Variants in MAJIN observed in about 807,000 individuals in gnomAD.
MAJIN encodes membrane anchored junction protein.
A neutral mutation model predicts 30.2 loss-of-function variants in MAJIN; 27 were observed. The observed-to-expected ratio is 0.89, with a 90% CI of 0.66 to 1.23. The LOEUF is 1.23. Ranked by LOEUF, MAJIN falls within the 50% of genes most tolerant of loss-of-function variation. MAJIN has a pLI of 0.00. For synonymous variants in MAJIN, 78 were observed against 91.6 expected (o/e 0.85, Z 0.85); for missense variants, 253 against 260.3 (o/e 0.97, Z 0.19).
At chr11:64,955,425 TA>T (rs1167299014) in intron 3 of MAJIN, among the ~76,000 whole-genome samples, 1 of 152,230 alleles carries the variant, frequency 6.6e-6, no homozygotes, top group Non-Finnish European at 1.5e-5. Context: ...TTCTGCTGCA[TA>T]CCAAAATATG....
chr11:64,964,174 C>A (rs56719440), intron 1 of MAJIN, among the ~76,000 whole-genome samples: 25,418 of 152,090 alleles, frequency 0.17, 2,926 homozygotes, highest in East Asian at 0.36. Context: ...GAACTCCGGA[C>A]CTCAGGTGAT....
intron 1 of MAJIN, among the ~76,000 whole-genome samples, chr11:64,971,261 C>T (rs1252784482): frequency 1.3e-5 from 2 of 151,000 alleles, no homozygotes; most frequent in Non-Finnish European, 3.0e-5. Flanking sequence ...AACCCCATCT[C>T]TACAAAAATA....
At chr11:64,959,475 A>C in intron 2 of MAJIN, 53 bp from the exon 3 acceptor site, 11 of 1,462,056 alleles carry the variant, frequency 7.5e-6, no homozygotes, top group Non-Finnish European at 1.0e-5. Flanking sequence ...TTCCTTATTT[A>C]CAGGAAAGGG....
chr11:64,957,641 C>T (rs1002948313), intron 3 of MAJIN, among the ~76,000 whole-genome samples: 3 of 151,816 alleles, frequency 2.0e-5, no homozygotes, highest in African/African-American at 7.3e-5. Context: ...TGACTTCAGG[C>T]GATCTGCCTG....
intron 6 of MAJIN, among the ~76,000 whole-genome samples, chr11:64,948,602 CATATAT>C (rs1554970962): frequency 0.028 from 536 of 19,318 alleles, 8 homozygotes; most frequent in Middle Eastern, 0.077. Flanking sequence ...CGGGCTACAT[CATATAT>C]ATATATATAT....
chr11:64,951,491 G>A (rs190484256), intron 4 of MAJIN, among the ~76,000 whole-genome samples: 2 of 152,302 alleles, frequency 1.3e-5, no homozygotes, highest in African/African-American at 4.8e-5. Context: ...TGTGGCCAGC[G>A]CAGTGGCTCA....
chr11:64,944,710 A>G (rs1340587697), intron 8 of MAJIN, among the ~76,000 whole-genome samples: 1 of 152,188 alleles, frequency 6.6e-6, no homozygotes, highest in African/African-American at 2.4e-5. Flanking sequence ...TGTTTACTCG[A>G]TAACTGCTCA....
At chr11:64,968,001 T>C (rs1323369844) in intron 1 of MAJIN, among the ~76,000 whole-genome samples, 1 of 152,026 alleles carries the variant, frequency 6.6e-6, no homozygotes, top group African/African-American at 2.4e-5. Context: ...GAGGCCTTCA[T>C]GGAAAGGAGC....
At chr11:64,941,253 C>A (rs1945374909) in intron 8 of MAJIN, among the ~76,000 whole-genome samples, 1 of 152,168 alleles carries the variant, frequency 6.6e-6, no homozygotes, top group Admixed American at 6.5e-5. Flanking sequence ...TTACTGAGTA[C>A]CTACTATTAC....
At chr11:64,940,378 T>A (rs1945355503) in intron 9 of MAJIN, among the ~76,000 whole-genome samples, 196 bp downstream of exon 9, 3 of 152,150 alleles carry the variant, frequency 2.0e-5, no homozygotes, top group South Asian at 4.2e-4. Context: ...TCACTCCTTC[T>A]GGGAGCTGGG....
At chr11:64,946,016 C>T (rs1945446114) in intron 8 of MAJIN, 2 of 1,381,808 alleles carry the variant, frequency 1.4e-6, no homozygotes, top group Non-Finnish European at 1.9e-6. Context: ...GGAATCCTGA[C>T]TTGTAACAGA....
chr11:64,939,814 C>T lies in MAJIN; in HGVS notation c.547-47G>A, dbSNP rs376258297. The stretch of plus-strand genomic sequence containing the variant: ...AGGAGCAAGATGTTTGTCCATAGGC[C>T]GTTTTCATGTGAGTAGAAGGCCAAA... On this transcript the variant is annotated intron_variant, in intron 9 of 10. Coordinates refer to ENST00000301896, the MANE Select transcript of MAJIN (RefSeq NM_001037225.3). 1.0e-5 allele frequency: 16 copies of T among 1,571,196 alleles called. 1 individual carries two copies. In the East Asian group the frequency reaches 1.4e-4, roughly 13 times the overall value.
intron 1 of MAJIN, among the ~76,000 whole-genome samples, chr11:64,966,024 G>A (rs1360679030): frequency 1.3e-5 from 2 of 150,054 alleles, no homozygotes; most frequent in African/African-American, 4.9e-5. Context: ...CCTACCAACC[G>A]CAGGAACCCA....
intron 1 of MAJIN, among the ~76,000 whole-genome samples, chr11:64,964,787 A>G (rs1238573305): frequency 1.3e-5 from 2 of 151,842 alleles, no homozygotes; most frequent in East Asian, 1.9e-4. Flanking sequence ...GGGTTTCGCT[A>G]TGTTGCCAGG....
intron 7 of MAJIN, 80 bp downstream of exon 7, chr11:64,947,708 G>T: frequency 6.9e-7 from 1 of 1,457,370 alleles, no homozygotes; most frequent in Non-Finnish European, 9.6e-7. Flanking sequence ...AAAGTAAGGG[G>T]AAGAGGCAAG....
Position 64,972,013 on chromosome 11 carries a change from G to T in MAJIN, c.-201C>A, listed in dbSNP as rs1945914849. 6.6e-6 allele frequency: 1 copy of T among 152,172 alleles called. No homozygotes were observed. The highest frequency in any genetic ancestry group is 2.4e-5 in the African/African-American group (1 of 41,424). The allele number at this position is 152,172 out of a possible 1,614,324, so 9.4% of individuals were successfully genotyped here. The stretch of plus-strand genomic sequence containing the variant: ...TCTGAAAAAGGCGGGCGCCAACCTC[G>T]AACGAAGTCGTTTTGAGGGACTGGC... On this transcript the variant is annotated 5_prime_UTR_variant, in exon 1 of 11. Coordinates refer to ENST00000301896, the MANE Select transcript of MAJIN (RefSeq NM_001037225.3).
chr11:64,949,406 T>A (rs1945514122), intron 6 of MAJIN, among the ~76,000 whole-genome samples: 1 of 152,154 alleles, frequency 6.6e-6, no homozygotes, highest in Non-Finnish European at 1.5e-5. Flanking sequence ...ATGGAAGGGT[T>A]TATATAATAG....
intron 8 of MAJIN, among the ~76,000 whole-genome samples, chr11:64,944,022 A>G (rs940153570): frequency 6.6e-6 from 1 of 152,222 alleles, no homozygotes; most frequent in Non-Finnish European, 1.5e-5. Context: ...AGAGGTATAA[A>G]TCCCCAAGGA....
intron 4 of MAJIN, among the ~76,000 whole-genome samples, chr11:64,953,111 T>G (rs193041190): frequency 6.6e-6 from 1 of 152,218 alleles, no homozygotes; most frequent in African/African-American, 2.4e-5. Flanking sequence ...CTTGGAAATA[T>G]GACATACGTT....
Sources: allele counts gnomAD v4.1 joint callset (sites outside exome capture counted in the v4.1 genomes callset), GRCh38; gene constraint gnomAD v4.1.1; transcripts MANE v1.5; gene names NCBI Gene and HGNC (gene_info 2026-07-23, HGNC 2026-07-21).